EFNA5: variants seen among roughly 807,000 people sequenced by gnomAD.
EFNA5 encodes ephrin-A5.
A neutral mutation model predicts 22.9 loss-of-function variants in EFNA5; 5 were observed. That is an observed-to-expected ratio of 0.22 (90% CI 0.11 to 0.46). EFNA5 has a LOEUF of 0.46. Among genes scored for constraint, EFNA5 ranks in the 20% least tolerant of loss-of-function variants. The pLI, the probability that EFNA5 is intolerant of heterozygous loss-of-function variation, is 0.99. For synonymous variants in EFNA5, 113 were observed against 112.2 expected, an observed-to-expected ratio of 1.01 and a Z score of -0.04; for missense variants, 237 against 293.3, an observed-to-expected ratio of 0.81 and a Z score of 1.40.
chr5:107,436,575 C>A (rs1749115838), intron 1 of EFNA5, among the ~76,000 whole-genome samples: 1 of 152,160 alleles, frequency 6.6e-6, no homozygotes, highest in Admixed American at 6.5e-5. Context: ...TTCCTCTACT[C>A]CTGCTGGCCA....
At chr5:107,663,662 A>C (rs1327266836) in intron 1 of EFNA5, among the ~76,000 whole-genome samples, 2 of 152,134 alleles carry the variant, frequency 1.3e-5, no homozygotes, top group African/African-American at 4.8e-5. Context: ...GACTTTTTAA[A>C]AGTAAAAATC....
chr5:107,508,674 C>A (rs1055446200), intron 1 of EFNA5, among the ~76,000 whole-genome samples: 2 of 152,152 alleles, frequency 1.3e-5, no homozygotes, highest in Non-Finnish European at 2.9e-5. Context: ...CTTCTAAAAA[C>A]TAAGTGTAAG....
intron 2 of EFNA5, among the ~76,000 whole-genome samples, chr5:107,423,696 T>C (rs1748734309): frequency 6.6e-6 from 1 of 152,190 alleles, no homozygotes; most frequent in South Asian, 2.1e-4. Context: ...TGCCAATCTC[T>C]TACCAAAATA....
At chr5:107,435,791 CT>C (rs1749095900) in intron 1 of EFNA5, among the ~76,000 whole-genome samples, 2 of 152,116 alleles carry the variant, frequency 1.3e-5, no homozygotes, top group African/African-American at 4.8e-5. Flanking sequence ...TGTTTGGAAC[CT>C]GGAGTTGGTG....
At chr5:107,495,734 C>T (rs969222578) in intron 1 of EFNA5, among the ~76,000 whole-genome samples, 2 of 152,138 alleles carry the variant, frequency 1.3e-5, no homozygotes, top group Non-Finnish European at 2.9e-5. Flanking sequence ...ACAAATTAAA[C>T]AACATTTAAA....
At chr5:107,430,096 T>C (rs1417965663) in intron 1 of EFNA5, among the ~76,000 whole-genome samples, 1 of 152,206 alleles carries the variant, frequency 6.6e-6, no homozygotes, top group African/African-American at 2.4e-5. Flanking sequence ...ATTTATATAT[T>C]TGCAATGACC....
At chr5:107,467,830 G>T (rs1218461708) in intron 1 of EFNA5, among the ~76,000 whole-genome samples, 3 of 152,180 alleles carry the variant, frequency 2.0e-5, no homozygotes, top group Admixed American at 2.0e-4. Context: ...GTGACCCACT[G>T]TCCAAGGTCC....
chr5:107,575,277 C>A (rs1748904220), intron 1 of EFNA5, among the ~76,000 whole-genome samples: 1 of 152,122 alleles, frequency 6.6e-6, no homozygotes, highest in Admixed American at 6.5e-5. Flanking sequence ...TGTAAACAGA[C>A]TGACCTTAGT....
chr5:107,555,791 T>C (rs1353057898), intron 1 of EFNA5, among the ~76,000 whole-genome samples: 1 of 152,222 alleles, frequency 6.6e-6, no homozygotes, highest in African/African-American at 2.4e-5. Flanking sequence ...AATCTCCATT[T>C]CAAGAATATA....
At chr5:107,442,194 T>C (rs1218060264) in intron 1 of EFNA5, among the ~76,000 whole-genome samples, 1 of 151,898 alleles carries the variant, frequency 6.6e-6, no homozygotes, top group East Asian at 1.9e-4. Flanking sequence ...TTTTTTCCCA[T>C]TGATACTTAG....
chr5:107,473,659 ATT>A (rs564376165), intron 1 of EFNA5, among the ~76,000 whole-genome samples: 11 of 140,874 alleles, frequency 7.8e-5, no homozygotes, highest in East Asian at 2.1e-4. Flanking sequence ...TTTCACTTGA[ATT>A]TTTTTTTTTT....
chr5:107,418,478 T>C (rs650607), intron 2 of EFNA5, among the ~76,000 whole-genome samples: 74,193 of 152,070 alleles, frequency 0.49, 19,407 homozygotes, highest in Non-Finnish European at 0.59. Context: ...AATCCTTTAA[T>C]TTGTTTCCAT....
In EFNA5 at chr5:107,478,950, T is replaced by A. The variant is rs912436467; in HGVS notation, c.126-51441A>T. On this transcript the variant is annotated intron_variant, in intron 1 of 4. Transcript: ENST00000333274. ...TAACCTGTTGATCAGGAAAGTATACTATACCAAAAGAGATGCAAAGACATG... is the reference window on the plus strand; with the variant it reads ...TAACCTGTTGATCAGGAAAGTATACAATACCAAAAGAGATGCAAAGACATG... Among the ~76,000 whole-genome samples the A allele has an allele frequency of 7.9e-5, 12 of 152,304 alleles. No homozygotes were observed. In the East Asian group the frequency reaches 2.3e-3, roughly 29 times the overall value.
chr5:107,588,397 C>T (rs1160959763), intron 1 of EFNA5, among the ~76,000 whole-genome samples: 5 of 152,126 alleles, frequency 3.3e-5, no homozygotes, highest in Admixed American at 3.3e-4. Context: ...TGTTCATCCC[C>T]TATTTATCCT....
intron 1 of EFNA5, among the ~76,000 whole-genome samples, chr5:107,560,322 G>A (rs997491315): frequency 3.9e-5 from 6 of 152,124 alleles, no homozygotes; most frequent in African/African-American, 1.4e-4. Flanking sequence ...TACAAAAGGA[G>A]AAGAAAAGAA....
chr5:107,453,537 T>C (rs1292539707), intron 1 of EFNA5, among the ~76,000 whole-genome samples: 2 of 152,206 alleles, frequency 1.3e-5, no homozygotes, highest in Non-Finnish European at 2.9e-5. Flanking sequence ...TACAAGTGCA[T>C]AAGTACAGAA....
At chr5:107,626,791 A>G (rs1750150279) in intron 1 of EFNA5, among the ~76,000 whole-genome samples, 2 of 152,018 alleles carry the variant, frequency 1.3e-5, no homozygotes, top group Admixed American at 6.6e-5. Flanking sequence ...TTTGGTTTTG[A>G]TTTTTTTTAA....
intron 1 of EFNA5, among the ~76,000 whole-genome samples, chr5:107,595,818 A>C (rs1749462409): frequency 6.6e-6 from 1 of 152,176 alleles, no homozygotes; most frequent in Admixed American, 6.5e-5. Context: ...ACTGATCTCT[A>C]AAATGGGGAT....
rs191939569 is a variant in EFNA5, at chr5:107,599,125, G to C, written c.125+71364C>G. Among the ~76,000 whole-genome samples the C allele has an allele frequency of 1.4e-3, 211 of 152,314 alleles. 1 individual carries two copies. The highest frequency in any genetic ancestry group is 2.5e-3 in the Non-Finnish European group (168 of 68,028). On this transcript the variant is annotated intron_variant, in intron 1 of 4. Coordinates refer to ENST00000333274, the MANE Select transcript of EFNA5 (RefSeq NM_001962.3). ...ATGGGCACGGGAACCAGAGGATAAA[G>C]ATCAGTAGACACATATTTGAAATGA...
Sources: allele counts gnomAD v4.1 joint callset (sites outside exome capture counted in the v4.1 genomes callset), GRCh38; gene constraint gnomAD v4.1.1; transcripts MANE v1.5; gene names NCBI Gene and HGNC (gene_info 2026-07-23, HGNC 2026-07-21).